Variants in TRAK2 observed in about 807,000 individuals in gnomAD.
TRAK2 encodes trafficking kinesin protein 2, also known as trafficking kinesin-binding protein 2.
Under a neutral mutation model 104.6 loss-of-function variants are expected in TRAK2, and 81 were observed. The ratio of observed to expected loss-of-function variants is 0.77; its 90% CI spans 0.65 to 0.93. The LOEUF is 0.93. Among genes scored for constraint, TRAK2 ranks in the 40% least tolerant of loss-of-function variants. The pLI, the probability that TRAK2 is intolerant of heterozygous loss-of-function variation, is 0.00. For synonymous variants in TRAK2, 406 were observed against 394.4 expected (o/e 1.03, Z -0.35); for missense variants, 1,002 against 1,089.0 (o/e 0.92, Z 1.12).
Position 201,384,211 on chromosome 2 carries a change from T to C in TRAK2, c.1969A>G (p.Thr657Ala), listed in dbSNP as rs1267313455. ...GACAGGCACTTTCCTGGGTTGGCGG[T>C]TGCAACTGAAATAGATTTTTAGGGA... ...TSAGGPVTVA[T>A]ANPGKCLSCT... is the part of the protein sequence containing the mutation. Residue 657 changes from threonine to alanine, a missense_variant, in exon 15 of 16, where the codon ACC becomes GCC. Transcript: ENST00000332624. 3 of 1,611,872 alleles carry C rather than the reference T, an allele frequency of 1.9e-6. No individual in the cohort carries two copies. The highest frequency in any genetic ancestry group is 2.5e-6 in the Non-Finnish European group (3 of 1,179,186).
intron 1 of TRAK2, among the ~76,000 whole-genome samples, chr2:201,448,487 C>T (rs1057156438): frequency 2.0e-5 from 3 of 152,182 alleles, no homozygotes; most frequent in Non-Finnish European, 4.4e-5. Context: ...CAGATAATGA[C>T]TCAACTATGA....
intron 1 of TRAK2, among the ~76,000 whole-genome samples, chr2:201,440,357 A>C (rs540938855): frequency 2.0e-5 from 3 of 152,160 alleles, no homozygotes; most frequent in African/African-American, 7.2e-5. Context: ...TAAGCAGGTT[A>C]TCAGAACACC....
chr2:201,381,895 T>C (rs1358394818), intron 15 of TRAK2, among the ~76,000 whole-genome samples: 2 of 152,144 alleles, frequency 1.3e-5, no homozygotes, highest in African/African-American at 4.8e-5. Context: ...TTTTAGGAAA[T>C]TAAAAATAAC....
chr2:201,393,761 T>G (rs2125644178), intron 9 of TRAK2, among the ~76,000 whole-genome samples: 1 of 152,240 alleles, frequency 6.6e-6, no homozygotes. Context: ...TCTTTCCCCC[T>G]CCCTCCTACA....
At chr2:201,392,751 A>T (rs1344855025) in intron 10 of TRAK2, among the ~76,000 whole-genome samples, 158 bp downstream of exon 10, 1 of 152,192 alleles carries the variant, frequency 6.6e-6, no homozygotes, top group South Asian at 2.1e-4. Flanking sequence ...GAAGATGTCA[A>T]TATACAAATT....
intron 2 of TRAK2, chr2:201,413,279 A>G: frequency 3.1e-6 from 4 of 1,277,394 alleles, no homozygotes; most frequent in Non-Finnish European, 4.5e-6. Context: ...CTGTAACAGT[A>G]CTCTTCAATT....
chr2:201,433,963 CTT>C (rs397942881), intron 1 of TRAK2, among the ~76,000 whole-genome samples: 2 of 146,826 alleles, frequency 1.4e-5, no homozygotes, highest in Non-Finnish European at 1.5e-5. Flanking sequence ...CATAATCATT[CTT>C]TTTTTTTTTT....
At position 201,379,343 on chromosome 2, in the gene TRAK2, G is replaced by A. The variant is rs1212334784; in HGVS notation, c.*1200C>T. 6.6e-6 allele frequency: 1 copy of A among 152,180 alleles called. No individual in the cohort carries two copies. Among genetic ancestry groups the A allele is most frequent in the East Asian group, 1.9e-4 (1 of 5,196 alleles). 9.4% of individuals were successfully genotyped at this position (152,180 alleles called of 1,614,324 possible). Reference sequence around the variant, plus strand: ...ACCTTAGAGAAAAAGAAAAAGCTTTGACTCCCCCATTAAAAAGTTTATTCT... The same window carrying A: ...ACCTTAGAGAAAAAGAAAAAGCTTTAACTCCCCCATTAAAAAGTTTATTCT... On this transcript the variant is annotated 3_prime_UTR_variant, in exon 16 of 16. Coordinates refer to ENST00000332624, the MANE Select transcript of TRAK2 (RefSeq NM_015049.3).
rs1415230094 is a variant in TRAK2 at position 201,387,701 on chromosome 2, A to C, written c.1696+2T>G. 6.3e-7 allele frequency: 1 copy of C among 1,585,390 alleles called. No homozygotes were observed. Among genetic ancestry groups the C allele is most frequent in the Non-Finnish European group, 8.6e-7 (1 of 1,164,634 alleles). On this transcript the variant is annotated splice_donor_variant, in intron 13 of 15. Coordinates refer to ENST00000332624, the MANE Select transcript of TRAK2 (RefSeq NM_015049.3). LOFTEE classifies it high-confidence loss of function. Reference sequence around the variant, plus strand: ...TAGTAAGGGCCCTTACTGATTTATTACCTTCAAGGGGCTTGACAATTTGTA... The same window carrying C: ...TAGTAAGGGCCCTTACTGATTTATTCCCTTCAAGGGGCTTGACAATTTGTA...
intron 2 of TRAK2, chr2:201,412,962 A>C: frequency 2.6e-6 from 2 of 772,774 alleles, no homozygotes; most frequent in Admixed American, 1.8e-5. Flanking sequence ...GGTTCTGTAC[A>C]CAACACCAAG....
intron 14 of TRAK2, among the ~76,000 whole-genome samples, 154 bp from the exon 15 acceptor site, chr2:201,384,370 T>C (rs975078453): frequency 1.3e-5 from 2 of 152,174 alleles, no homozygotes; most frequent in East Asian, 3.8e-4. Flanking sequence ...TACATAAAGA[T>C]TGTACTAGTA....
intron 12 of TRAK2, among the ~76,000 whole-genome samples, chr2:201,388,615 C>T (rs1236290052): frequency 6.6e-6 from 1 of 152,166 alleles, no homozygotes; most frequent in East Asian, 1.9e-4. Flanking sequence ...TGGAAGCTAT[C>T]TTATAATTGA....
chr2:201,386,614 T>A, intron 13 of TRAK2, 130 bp from the exon 14 acceptor site: 1 of 1,268,814 alleles, frequency 7.9e-7, no homozygotes, highest in South Asian at 1.5e-5. Flanking sequence ...GTGTTAATAA[T>A]TTGGTAAAAG....
At chr2:201,413,234 T>C (rs1046618873) in intron 2 of TRAK2, 1 of 1,401,472 alleles carries the variant, frequency 7.1e-7, no homozygotes, top group African/African-American at 1.4e-5. Context: ...TGACAGGATT[T>C]CTCATTACAG....
In TRAK2 at chr2:201,379,814, GT is replaced by G. The variant is rs972107767; in HGVS notation, c.*728del. 3.6e-4 allele frequency: 50 copies of G among 140,068 alleles called. No individual in the cohort carries two copies. The highest frequency in any genetic ancestry group is 3.5e-3 in the Middle Eastern group (1 of 284). 8.7% of individuals were successfully genotyped at this position (140,068 alleles called of 1,614,324 possible). On this transcript the variant is annotated 3_prime_UTR_variant, in exon 16 of 16. Transcript: ENST00000332624. ...AATCCCTCCCACCCTCTACCCAGTT[GT>G]TTTTTTTTTTGGAGGTTGTATAAAA...
intron 2 of TRAK2, among the ~76,000 whole-genome samples, chr2:201,417,241 C>CAAA (rs61702415): frequency 2.3e-4 from 20 of 88,410 alleles, no homozygotes; most frequent in Admixed American, 3.7e-4. Context: ...GAAGACATTG[C>CAAA]AAAAAAAAAA....
intron 3 of TRAK2, among the ~76,000 whole-genome samples, chr2:201,401,862 A>C (rs1020097748): frequency 6.6e-6 from 1 of 152,102 alleles, no homozygotes; most frequent in Non-Finnish European, 1.5e-5. Context: ...TTAATAATGC[A>C]TAACAAAAGA....
Position 201,390,400 on chromosome 2 carries a change from A to C in TRAK2, c.1114-520T>G, listed in dbSNP as rs867295504. ...TCTACTAAAAATACAAAAAAATACA[A>C]AAAAAAAAAAAAAATTAGCCGGGTG... On this transcript the variant is annotated intron_variant, in intron 10 of 15. Coordinates refer to ENST00000332624, the MANE Select transcript of TRAK2 (RefSeq NM_015049.3). Among the ~76,000 whole-genome samples, 895 of 146,268 alleles carry C rather than the reference A, an allele frequency of 6.1e-3. 14 individuals are homozygous for C. The highest frequency in any genetic ancestry group is 0.021 in the African/African-American group (823 of 39,994).
In TRAK2 at chr2:201,451,424, C is replaced by T. The variant is rs1047124050; in HGVS notation, c.-274G>A. Reference sequence around the variant, plus strand: ...CCCTAATGCAGCGGCAGCCTGAAAGCAGCAGCCGAAGCTGCTGCCGCTGCT... The same window carrying T: ...CCCTAATGCAGCGGCAGCCTGAAAGTAGCAGCCGAAGCTGCTGCCGCTGCT... On this transcript the variant is annotated 5_prime_UTR_variant, in exon 1 of 16. Transcript: ENST00000332624. 5 of 152,162 alleles carry T rather than the reference C, an allele frequency of 3.3e-5. No individual in the cohort carries two copies. The highest frequency in any genetic ancestry group is 1.2e-4 in the African/African-American group (5 of 41,454). 9.4% of individuals were successfully genotyped at this position (152,162 alleles called of 1,614,324 possible).
Sources: allele counts gnomAD v4.1 joint callset (sites outside exome capture counted in the v4.1 genomes callset), GRCh38; gene constraint gnomAD v4.1.1; transcripts MANE v1.5; gene names NCBI Gene and HGNC (gene_info 2026-07-23, HGNC 2026-07-21).